Variants in SGMS1 observed in about 807,000 individuals in gnomAD.
The protein encoded by SGMS1 is sphingomyelin synthase 1, also known as phosphatidylcholine:ceramide cholinephosphotransferase 1.
A neutral mutation model predicts 46.2 loss-of-function variants in SGMS1; 13 were observed. That is an observed-to-expected ratio of 0.28 (90% confidence interval 0.18 to 0.45). The LOEUF is 0.45. Among genes scored for constraint, SGMS1 ranks in the 20% least tolerant of loss-of-function variants. The pLI is 1.00. For missense variants in SGMS1, 324 were observed against 519.9 expected, an observed-to-expected ratio of 0.62 and a Z score of 3.66; for synonymous variants, 203 against 187.8, an observed-to-expected ratio of 1.08 and a Z score of -0.66.
chr10:50,589,047 T>A (rs746685889), intron 2 of SGMS1, among the ~76,000 whole-genome samples: 1 of 151,924 alleles, frequency 6.6e-6, no homozygotes, highest in Non-Finnish European at 1.5e-5. Context: ...TATTTGTGAA[T>A]CTTGATCAGG....
chr10:50,364,849 T>C, intron 6 of SGMS1, among the ~76,000 whole-genome samples: 1 of 152,198 alleles, frequency 6.6e-6, no homozygotes, highest in East Asian at 1.9e-4. Context: ...CAGTAGTAGT[T>C]ACAAATTCTT....
At chr10:50,373,834 A>G (rs920136) in intron 6 of SGMS1, among the ~76,000 whole-genome samples, 116,569 of 152,152 alleles carry the variant, frequency 0.77, 45,104 homozygotes, top group South Asian at 0.91. Context: ...TAAAATAACC[A>G]TTAGCAGTCC....
intron 1 of SGMS1, among the ~76,000 whole-genome samples, chr10:50,615,175 C>G (rs765465746): frequency 3.3e-5 from 5 of 152,152 alleles, no homozygotes; most frequent in Non-Finnish European, 4.4e-5. Flanking sequence ...AGTCTGCAAC[C>G]TGAGCGCCCA....
chr10:50,424,183 G>A (rs11005614), intron 6 of SGMS1, among the ~76,000 whole-genome samples: 25,228 of 152,142 alleles, frequency 0.17, 2,589 homozygotes, highest in East Asian at 0.26. Flanking sequence ...GATTGAGAGC[G>A]AATGTATCAG....
chr10:50,492,617 AAG>A (rs1837576147), intron 3 of SGMS1, among the ~76,000 whole-genome samples: 1 of 152,216 alleles, frequency 6.6e-6, no homozygotes, highest in South Asian at 2.1e-4. Context: ...GACCTCTACA[AAG>A]AGAACTACAA....
chr10:50,500,579 A>G (rs1837653998), intron 3 of SGMS1, among the ~76,000 whole-genome samples: 2 of 151,984 alleles, frequency 1.3e-5, no homozygotes, highest in South Asian at 4.2e-4. Flanking sequence ...TAATTTCTAC[A>G]TAAGGATTCT....
chr10:50,598,895 G>C (rs890790780), intron 1 of SGMS1, among the ~76,000 whole-genome samples: 3 of 151,872 alleles, frequency 2.0e-5, no homozygotes, highest in Non-Finnish European at 4.4e-5. Flanking sequence ...CAAATAAGGA[G>C]AAATACCCAG....
intron 3 of SGMS1, among the ~76,000 whole-genome samples, chr10:50,489,229 A>C (rs1038108043): frequency 6.6e-6 from 1 of 152,234 alleles, no homozygotes; most frequent in Non-Finnish European, 1.5e-5. Context: ...AAGCGTTTGG[A>C]GACCATCAGC....
chr10:50,404,202 G>A (rs111765164), intron 6 of SGMS1, among the ~76,000 whole-genome samples: 61 of 152,102 alleles, frequency 4.0e-4, no homozygotes, highest in African/African-American at 1.4e-3. Context: ...CTCACCCAGA[G>A]GGAAAGTAAA....
rs557700478 is a variant in SGMS1, at chr10:50,467,092, T to C, written c.-497-160A>G. 4.6e-5 allele frequency among the ~76,000 whole-genome samples: 7 copies of C among 152,128 alleles called. No homozygotes were observed. In the East Asian group the frequency reaches 1.2e-3, roughly 25 times the overall value. The stretch of plus-strand genomic sequence containing the variant: ...CCAATTCCCAACTAATTTCTGGCTG[T>C]CATGGTATTCAGAGTACACTTCTAT... On this transcript the variant is annotated intron_variant, in intron 3 of 10. Coordinates refer to ENST00000361781, the MANE Select transcript of SGMS1 (RefSeq NM_147156.4).
chr10:50,401,544 T>G (rs1848940801), intron 6 of SGMS1, among the ~76,000 whole-genome samples: 1 of 152,122 alleles, frequency 6.6e-6, no homozygotes, highest in South Asian at 2.1e-4. Context: ...CTAGTTTGAT[T>G]CTCAGGTGGT....
intron 6 of SGMS1, among the ~76,000 whole-genome samples, chr10:50,383,251 T>A (rs373744138): frequency 1.6e-4 from 25 of 152,196 alleles, no homozygotes; most frequent in African/African-American, 5.8e-4. Flanking sequence ...ATGCAGAATT[T>A]ATCATTAAAT....
intron 1 of SGMS1, among the ~76,000 whole-genome samples, chr10:50,617,535 G>C (rs1838809547): frequency 6.6e-6 from 1 of 152,118 alleles, no homozygotes; most frequent in Admixed American, 6.5e-5. Flanking sequence ...TGTACACTTT[G>C]AATGGATTTA....
intron 6 of SGMS1, among the ~76,000 whole-genome samples, chr10:50,398,040 TTGTACTC>T (rs925892330): frequency 3.9e-4 from 59 of 152,336 alleles, no homozygotes; most frequent in African/African-American, 1.3e-3. Context: ...GTCCCTGACT[TTGTACTC>T]TGGTGTGCTA....
At chr10:50,493,550 A>T (rs947856824) in intron 3 of SGMS1, among the ~76,000 whole-genome samples, 12 of 152,322 alleles carry the variant, frequency 7.9e-5, no homozygotes, top group Admixed American at 7.2e-4. Context: ...TATAGGAGAA[A>T]TTTTTTGCAA....
chr10:50,352,357 A>T (rs928308144), intron 6 of SGMS1, among the ~76,000 whole-genome samples: 1 of 152,222 alleles, frequency 6.6e-6, no homozygotes, highest in Non-Finnish European at 1.5e-5. Flanking sequence ...ACTGTATGTT[A>T]GCCTGGGCTC....
chr10:50,442,641 A>G (rs747204057), intron 5 of SGMS1, among the ~76,000 whole-genome samples: 2 of 152,184 alleles, frequency 1.3e-5, no homozygotes, highest in African/African-American at 2.4e-5. Flanking sequence ...TACTGCTGCA[A>G]TGAACATACC....
At chr10:50,523,456 A>T (rs1241660761) in intron 2 of SGMS1, among the ~76,000 whole-genome samples, 1 of 152,170 alleles carries the variant, frequency 6.6e-6, no homozygotes, top group African/African-American at 2.4e-5. Context: ...ATGACAAGGA[A>T]ATGTCCCTGT....
At chr10:50,534,957 G>C (rs1025108366) in intron 2 of SGMS1, among the ~76,000 whole-genome samples, 1 of 152,220 alleles carries the variant, frequency 6.6e-6, no homozygotes, top group Non-Finnish European at 1.5e-5. Flanking sequence ...CTATTGGCCA[G>C]ATGTGGTGAC....
Sources: allele counts gnomAD v4.1 joint callset (sites outside exome capture counted in the v4.1 genomes callset), GRCh38; gene constraint gnomAD v4.1.1; transcripts MANE v1.5; gene names NCBI Gene and HGNC (gene_info 2026-07-23, HGNC 2026-07-21).